SETD1A: variants seen among roughly 807,000 people sequenced by gnomAD.
The protein encoded by SETD1A is SET domain containing 1A, histone lysine methyltransferase.
A neutral mutation model predicts 149.9 loss-of-function variants in SETD1A; 29 were observed. The observed-to-expected ratio is 0.19, with a 90% CI of 0.14 to 0.26. The LOEUF is 0.26. SETD1A is among the 10% of genes least tolerant of loss of function. The pLI is 1.00. For missense variants in SETD1A, 2,109 were observed against 2,353.1 expected, an observed-to-expected ratio of 0.90 and a Z score of 2.15; for synonymous variants, 1,141 against 968.5, an observed-to-expected ratio of 1.18 and a Z score of -3.31.
intron 1 of SETD1A, 139 bp from the exon 2 acceptor site, chr16:30,958,578 C>T (rs2056000301): frequency 4.4e-6 from 3 of 688,136 alleles, no homozygotes; most frequent in African/African-American, 3.6e-5. Context: ...GGGGAGAATC[C>T]GGGGGAGCCC....
chr16:30,966,460 C>T, intron 8 of SETD1A, 74 bp downstream of exon 8: 1 of 1,510,508 alleles, frequency 6.6e-7, no homozygotes, highest in Non-Finnish European at 8.8e-7. Flanking sequence ...CTCCAGGCTG[C>T]ACAGCTCAGA....
intron 2 of SETD1A, 25 bp downstream of exon 2, chr16:30,958,906 C>T (rs1377545212): frequency 2.5e-6 from 4 of 1,612,932 alleles, no homozygotes; most frequent in Admixed American, 1.7e-5. Flanking sequence ...CTTTGGTTGC[C>T]ATCCGGGGAG....
chr16:30,969,323 A>C lies in SETD1A; in HGVS notation c.2789A>C (p.Glu930Ala), dbSNP rs758076782. ...EDEDDPEQEKEAGEPGRPGTK... is the reference protein window; with the variant it reads ...EDEDDPEQEKAAGEPGRPGTK... ...GGCCTAGACCCTGAACAAGAGAAGG[A>C]GGCTGGAGAGCCAGGACGTCCGGGG... The change falls in exon 11 of 19, where the codon GAG becomes GCG. Residue 930 changes from glutamate to alanine, a missense_variant. By Grantham distance (107) the Glu-to-Ala change is moderately radical. Transcript: ENST00000262519. The C allele has an allele frequency of 1.2e-5, 19 of 1,614,082 alleles. No individual in the cohort carries two copies. Among genetic ancestry groups the C allele is most frequent in the Non-Finnish European group, 1.5e-5 (18 of 1,179,968 alleles).
chr16:30,958,454 C>T, intron 1 of SETD1A: 1 of 408,558 alleles, frequency 2.4e-6, no homozygotes, highest in Admixed American at 4.0e-5. Context: ...CCAAGTGGGG[C>T]GCGCGCTAGG....
intron 17 of SETD1A, among the ~76,000 whole-genome samples, chr16:30,982,578 C>T (rs1158658730): frequency 3.3e-5 from 5 of 151,050 alleles, no homozygotes; most frequent in Admixed American, 1.3e-4. Flanking sequence ...GCCCAGACCG[C>T]ACGGGCTTGG....
intron 10 of SETD1A, 81 bp from the exon 11 acceptor site, chr16:30,969,224 A>G: frequency 7.3e-7 from 1 of 1,361,514 alleles, no homozygotes; most frequent in South Asian, 1.4e-5. Context: ...GATTGGTAAT[A>G]GTATATGTAA....
At chr16:30,978,865 CT>C (rs2056320045) in intron 13 of SETD1A, among the ~76,000 whole-genome samples, 1 of 152,188 alleles carries the variant, frequency 6.6e-6, no homozygotes, top group South Asian at 2.1e-4. Flanking sequence ...GTGATGGTGT[CT>C]CCTGTTGGAC....
chr16:30,964,569 C>A lies in SETD1A; in HGVS notation c.870-43C>A. The A allele has an allele frequency of 3.1e-6, 5 of 1,588,598 alleles. No individual in the cohort carries two copies. In the South Asian group the frequency reaches 4.6e-5, roughly 15 times the overall value. The stretch of plus-strand genomic sequence containing the variant: ...GGGACCCAGTACGCTGTGGTTTGGT[C>A]ATAGAGAGCTGAGTCCAGCTAACTC... On this transcript the variant is annotated intron_variant, in intron 6 of 18. Transcript: ENST00000262519.
At position 30,961,514 on chromosome 16, in the gene SETD1A, T is replaced by C; in HGVS notation, c.494T>C (p.Ile165Thr). ...CTTACCTCCGTCATGGGCAACATCA[T>C]CCATGCCCAGCTTGACATCAAAGGT... ...LHLTSVMGNI[I>T]HAQLDIKGQQ... Residue 165 changes from isoleucine (I) to threonine (T), a missense_variant, in exon 4 of 19, where the codon ATC becomes ACC. Coordinates refer to ENST00000262519, the MANE Select transcript of SETD1A (RefSeq NM_014712.3). The surrounding 1 kb of genome is among the most constrained non-coding windows in gnomAD (Gnocchi z 4.0). The C allele has an allele frequency of 6.2e-7, 1 of 1,613,906 alleles. No individual in the cohort carries two copies. The highest frequency in any genetic ancestry group is 8.5e-7 in the Non-Finnish European group (1 of 1,179,968).
In SETD1A at chr16:30,964,762, TTCC is replaced by T. The variant is rs778493287; in HGVS notation, c.1026_1028del (p.Ser343del). On this transcript the variant is annotated inframe_deletion, in exon 7 of 19. Transcript: ENST00000262519. The stretch of plus-strand genomic sequence containing the variant: ...CAGCCACTGCCTCATCCTCCGCCTC[TTCC>T]TCCTCATTGTCCTCGTCCTCCTCGT... 6.8e-6 allele frequency: 11 copies of T among 1,614,052 alleles called. No individual in the cohort carries two copies. The highest frequency in any genetic ancestry group is 1.6e-4 in the Middle Eastern group (1 of 6,082).
chr16:30,974,116 G>A (rs760032740), intron 13 of SETD1A, among the ~76,000 whole-genome samples: 5 of 152,126 alleles, frequency 3.3e-5, no homozygotes, highest in Non-Finnish European at 7.4e-5. Context: ...AGAGTGGAGT[G>A]GAAATGGGGG....
Position 30,958,699 on chromosome 16 carries a change from T to A in SETD1A, c.-15-18T>A, listed in dbSNP as rs776394327. 10 of 1,611,218 alleles carry A rather than the reference T, an allele frequency of 6.2e-6. No homozygotes were observed. In the South Asian group the frequency reaches 1.1e-4, roughly 18 times the overall value. On this transcript the variant is annotated intron_variant, in intron 1 of 18. Coordinates refer to ENST00000262519, the MANE Select transcript of SETD1A (RefSeq NM_014712.3). ...CCCAAGTCCTGATCCTTCTTGCGTG[T>A]CCCTCTTCCCCTAACAGTGTAAATG...
At position 30,969,405 on chromosome 16, in the gene SETD1A, G is replaced by A. The variant is rs1246698677; in HGVS notation, c.2871G>A (p.Lys957=). The A allele has an allele frequency of 6.2e-7, 1 of 1,614,028 alleles. No homozygotes were observed. Among genetic ancestry groups the A allele is most frequent in the Non-Finnish European group, 8.5e-7 (1 of 1,180,008 alleles). ...GCAAGACCCAGGGCAAGCACCGCAA[G>A]TCCTTTGCTCTGGACAGCGAAGGGG... The part of the protein sequence containing the change: ...ERGKTQGKHR[K]SFALDSEGEE... Residue 957 remains lysine, a synonymous_variant, in exon 11 of 19, where the codon AAG becomes AAA. Transcript: ENST00000262519.
Position 30,958,709 on chromosome 16 carries a change from C to T in SETD1A, c.-15-8C>T, listed in dbSNP as rs1014085575. On this transcript the variant is annotated splice_polypyrimidine_tract_variant and splice_region_variant and intron_variant, in intron 1 of 18. Transcript: ENST00000262519. Reference sequence around the variant, plus strand: ...GATCCTTCTTGCGTGTCCCTCTTCCCCTAACAGTGTAAATGAGCAAAGATG... The same window carrying T: ...GATCCTTCTTGCGTGTCCCTCTTCCTCTAACAGTGTAAATGAGCAAAGATG... The T allele has an allele frequency of 1.1e-5, 18 of 1,613,300 alleles. No individual in the cohort carries two copies. Among genetic ancestry groups the T allele is most frequent in the Admixed American group, 6.7e-5 (4 of 59,990 alleles).
At position 30,969,474 on chromosome 16, in the gene SETD1A, G is replaced by T. The variant is rs755710409; in HGVS notation, c.2928+12G>T. ...CCTCCTCGGAGAAGGTGAGGGCCCG[G>T]GCGCCGGCTCCTGGCCGAAGCCTAC... On this transcript the variant is annotated intron_variant, in intron 11 of 18. Transcript: ENST00000262519. 21 of 1,603,888 alleles carry T rather than the reference G, an allele frequency of 1.3e-5. No homozygotes were observed. Among genetic ancestry groups the T allele is most frequent in the Non-Finnish European group, 1.7e-6 (2 of 1,174,788 alleles).
chr16:30,968,432 A>G (rs2056178795), intron 10 of SETD1A, among the ~76,000 whole-genome samples: 1 of 151,438 alleles, frequency 6.6e-6, no homozygotes, highest in African/African-American at 2.4e-5. Context: ...ATATATATAT[A>G]TATGTACACA....
intron 17 of SETD1A, among the ~76,000 whole-genome samples, chr16:30,982,169 G>A (rs1478707927): frequency 2.6e-5 from 4 of 152,038 alleles, no homozygotes; most frequent in South Asian, 2.1e-4. Context: ...AGGCACGGTC[G>A]TCTTGTGAGA....
At position 30,976,325 on chromosome 16, in the gene SETD1A, C is replaced by A. The variant is rs556893653; in HGVS notation, c.3359-2820C>A. On this transcript the variant is annotated intron_variant, in intron 13 of 18. Transcript: ENST00000262519. ...GCTTGAGCCTAGGAGGTTGAGGAGG[C>A]TGCAGTAAACAGTGATTGTGCCGCT... Among the ~76,000 whole-genome samples the A allele has an allele frequency of 2.8e-4, 43 of 152,244 alleles. 1 individual carries two copies. The highest frequency in any genetic ancestry group is 2.6e-3 in the Admixed American group (40 of 15,288).
rs1350189278 is a variant in SETD1A at position 30,964,918 on chromosome 16, C to T, written c.1176C>T (p.Pro392=). 6.2e-7 allele frequency: 1 copy of T among 1,613,978 alleles called. No individual in the cohort carries two copies. The highest frequency in any genetic ancestry group is 2.2e-5 in the East Asian group (1 of 44,898). Residue 392 remains proline, a synonymous_variant, in exon 7 of 19, where the codon CCC becomes CCT. Transcript: ENST00000262519. ...YPPRRATREE[P]PGAPFAENTA... ...CACGCCGGGCCACACGGGAGGAACC[C>T]CCTGGAGCCCCTTTTGCTGAAAATA...
Sources: allele counts gnomAD v4.1 joint callset (sites outside exome capture counted in the v4.1 genomes callset), GRCh38; gene constraint gnomAD v4.1.1; non-coding constraint Gnocchi (gnomAD v3.1); transcripts MANE v1.5; gene names NCBI Gene and HGNC (gene_info 2026-07-23, HGNC 2026-07-21).